AOX1: variants seen among roughly 807,000 people sequenced by gnomAD.
AOX1 encodes the protein aldehyde oxidase.
A neutral mutation model predicts 169.5 loss-of-function variants in AOX1; 153 were observed. The ratio of observed to expected loss-of-function variants is 0.90; its 90% CI spans 0.79 to 1.03. The LOEUF (loss-of-function observed/expected upper bound fraction) is 1.03. AOX1 is among the 50% of genes least tolerant of loss of function. The pLI, the probability that AOX1 is intolerant of heterozygous loss-of-function variation, is 0.00. For missense variants in AOX1, 1,656 were observed against 1,663.9 expected, an observed-to-expected ratio of 1.00 and a Z score of 0.08; for synonymous variants, 562 against 581.9, an observed-to-expected ratio of 0.97 and a Z score of 0.49.
At chr2:200,587,608 G>T (rs528322513) in intron 1 of AOX1, among the ~76,000 whole-genome samples, 2 of 152,176 alleles carry the variant, frequency 1.3e-5, no homozygotes, top group African/African-American at 2.4e-5. Flanking sequence ...TGCTGCCTGG[G>T]TTCTACATTG....
chr2:200,677,026 G>C (rs574845252), exon 5 of AOX1: 2 of 419,324 alleles, frequency 4.8e-6, no homozygotes, highest in Non-Finnish European at 9.6e-6. Context: ...AGAACAGTAA[G>C]TTTTCTACAT....
chr2:200,643,894 T>A (rs1350412610), intron 25 of AOX1, among the ~76,000 whole-genome samples: 2 of 152,222 alleles, frequency 1.3e-5, no homozygotes, highest in Non-Finnish European at 2.9e-5. Context: ...TAGCCCACTT[T>A]TTGATGGGGT....
At chr2:200,675,788 C>A (rs2036089203), downstream of AOX1, among the ~76,000 whole-genome samples, 1 of 151,988 alleles carries the variant, frequency 6.6e-6, no homozygotes, top group South Asian at 2.1e-4. Context: ...CTTTACTTCA[C>A]AACAGCCCCA....
At chr2:200,608,535 G>A (rs1420534989) in intron 10 of AOX1, among the ~76,000 whole-genome samples, 1 of 152,184 alleles carries the variant, frequency 6.6e-6, no homozygotes, top group Non-Finnish European at 1.5e-5. Context: ...TATATTAGCT[G>A]TCAGATCTTA....
In AOX1 at chr2:200,613,820, A is replaced by G. The variant is rs1201350188; in HGVS notation, c.1465A>G (p.Met489Val). The G allele has an allele frequency of 8.7e-6, 14 of 1,612,292 alleles. No homozygotes were observed. Among genetic ancestry groups the G allele is most frequent in the Non-Finnish European group, 1.2e-5 (14 of 1,179,792 alleles). ...ACTTTCCAGGCACTGGAACGAACAG[A>G]TGCTGGATATAGCCTGCAGGCTTAT... ...KLIGRHWNEQ[M>V]LDIACRLILN... Residue 489 changes from methionine (M) to valine (V), a missense_variant, in exon 15 of 35, where the codon ATG becomes GTG. Met to Val is a conservative substitution (Grantham distance 21). Transcript: ENST00000374700.
At chr2:200,668,911 A>G (rs1384519439) in intron 33 of AOX1, 108 bp downstream of exon 33, 13 of 916,106 alleles carry the variant, frequency 1.4e-5, no homozygotes, top group Non-Finnish European at 1.8e-5. Flanking sequence ...AGGATTGCAG[A>G]AGAAAAATTC....
rs189073779 is a variant in AOX1, at chr2:200,599,845, C to T, written c.436+99C>T. The T allele has an allele frequency of 8.5e-5, 86 of 1,010,826 alleles. No individual in the cohort carries two copies. The East Asian group carries it at 1.8e-3, about 21-fold the overall frequency. 62.6% of individuals were successfully genotyped at this position (1,010,826 alleles called of 1,614,324 possible). ...TGTTGCCCGGGCTGGAGGGCGGCGG[C>T]GCAATCTTGGCCCCACTGTAACCTC... On this transcript the variant is annotated intron_variant, in intron 5 of 34. Coordinates refer to ENST00000374700, the MANE Select transcript of AOX1 (RefSeq NM_001159.4).
At chr2:200,589,255 A>G (rs1351877475) in intron 1 of AOX1, among the ~76,000 whole-genome samples, 3 of 152,150 alleles carry the variant, frequency 2.0e-5, no homozygotes, top group African/African-American at 7.2e-5. Flanking sequence ...GATTTCTGAA[A>G]TCTTATTCAC....
chr2:200,661,739 T>C, intron 30 of AOX1, 108 bp downstream of exon 30: 1 of 792,886 alleles, frequency 1.3e-6, no homozygotes, highest in Non-Finnish European at 2.1e-6. Context: ...ACCTTCTATT[T>C]ACCCATGGTT....
In AOX1 at chr2:200,669,724, A is replaced by G. The variant is rs767048297; in HGVS notation, c.3948A>G (p.Glu1316=). 4 of 1,611,430 alleles carry G rather than the reference A, an allele frequency of 2.5e-6. No homozygotes were observed. Among genetic ancestry groups the G allele is most frequent in the South Asian group, 1.1e-5 (1 of 90,322 alleles). Residue 1316 remains glutamate, a synonymous_variant, in exon 34 of 35, where the codon GAA becomes GAG. Coordinates refer to ENST00000374700, the MANE Select transcript of AOX1 (RefSeq NM_001159.4). ...LTPEKIRMAC[E]DKFTKMIPRD... ...CGGAGAAGATTAGGATGGCCTGTGA[A>G]GACAAGTTCACAAAAATGGTACGTT...
intron 3 of AOX1, 31 bp downstream of exon 3, chr2:200,595,399 A>T: frequency 6.6e-7 from 1 of 1,523,548 alleles, no homozygotes; most frequent in Non-Finnish European, 9.0e-7. Flanking sequence ...GATATGGTTG[A>T]ATTTTTATAA....
At chr2:200,671,708 G>C (rs775129830), downstream of AOX1, among the ~76,000 whole-genome samples, 4 of 152,176 alleles carry the variant, frequency 2.6e-5, no homozygotes, top group Admixed American at 1.3e-4. Flanking sequence ...ATTGCAGGGG[G>C]CAGTGTAGAA....
At chr2:200,611,546 G>A (rs982650308) in intron 13 of AOX1, 53 bp downstream of exon 13, 36 of 1,135,706 alleles carry the variant, frequency 3.2e-5, no homozygotes, top group Non-Finnish European at 4.6e-5. Flanking sequence ...GCTATGGCTT[G>A]TTTATTCCAG....
In AOX1 at chr2:200,666,723, A is replaced by C; in HGVS notation, c.3580A>C (p.Ser1194Arg). The C allele has an allele frequency of 6.2e-7, 1 of 1,610,950 alleles. No individual in the cohort carries two copies. The change falls in exon 32 of 35, where the codon AGT becomes CGT. Residue 1194 changes from serine to arginine, a missense_variant. Coordinates refer to ENST00000374700, the MANE Select transcript of AOX1 (RefSeq NM_001159.4). The stretch of plus-strand genomic sequence containing the variant: ...AGACATTGTCATGGATGTTGGCTGC[A>C]GTATAAATCCAGCCATTGACATAGG... ...RTDIVMDVGC[S>R]INPAIDIGQI...
At chr2:200,604,906 T>TGGGGTGGGGGCGGGGGG in intron 9 of AOX1, 66 bp downstream of exon 9, 1 of 678,952 alleles carries the variant, frequency 1.5e-6, no homozygotes, top group East Asian at 4.1e-5. Context: ...GGGGCCGGGG[T>TGGGGTGGGGGCGGGGGG]GGGCTGGGGA....
At chr2:200,624,056 T>C in intron 19 of AOX1, 73 bp downstream of exon 19, 4 of 1,589,392 alleles carry the variant, frequency 2.5e-6, no homozygotes, top group Non-Finnish European at 3.4e-6. Context: ...TTTTGGCTAC[T>C]GTAACAGGAA....
chr2:200,672,952 C>T (rs1315707002), downstream of AOX1, among the ~76,000 whole-genome samples: 2 of 152,126 alleles, frequency 1.3e-5, no homozygotes, highest in Non-Finnish European at 2.9e-5. Flanking sequence ...GAGCCAGGGA[C>T]GGGGGCAGCC....
downstream of AOX1, chr2:200,678,600 A>T (rs558354748): frequency 9.1e-4 from 139 of 152,292 alleles, 1 homozygote; most frequent in African/African-American, 3.2e-3. Context: ...AGGAAAACTG[A>T]CTCAATCTAT....
chr2:200,657,593 A>G (rs1169304074), intron 27 of AOX1, among the ~76,000 whole-genome samples: 1 of 152,174 alleles, frequency 6.6e-6, no homozygotes, highest in Non-Finnish European at 1.5e-5. Flanking sequence ...TTGGGCAATA[A>G]GATAATGTGT....
Sources: gnomAD v4.1 joint callset for allele counts (sites outside exome capture counted in the v4.1 genomes callset) on GRCh38, gnomAD v4.1.1 for gene constraint, MANE v1.5 for transcripts, NCBI Gene and HGNC (gene_info 2026-07-23, HGNC 2026-07-21) for gene names.